TRIM63: variants seen among roughly 807,000 people sequenced by gnomAD.
The protein encoded by TRIM63 is E3 ubiquitin-protein ligase TRIM63.
In TRIM63, 48 loss-of-function variants were observed where a neutral mutation model predicts 46.0. That is an observed-to-expected ratio of 1.04 (90% CI 0.83 to 1.33). TRIM63 has a LOEUF of 1.33. Ranked by LOEUF, TRIM63 falls within the 40% of genes most tolerant of loss-of-function variation. The pLI, the probability that TRIM63 is intolerant of heterozygous loss-of-function variation, is 0.00. For synonymous variants in TRIM63, 175 were observed against 162.8 expected (o/e 1.08, Z -0.57); for missense variants, 455 against 441.2 (o/e 1.03, Z -0.28).
chr1:26,065,180 C>T (rs372294039), intron 2 of TRIM63, among the ~76,000 whole-genome samples: 10 of 152,194 alleles, frequency 6.6e-5, no homozygotes, highest in African/African-American at 1.9e-4. Context: ...CGCGCCACCA[C>T]GCCTGGCTAA....
intron 8 of TRIM63, among the ~76,000 whole-genome samples, chr1:26,052,416 G>A (rs778845769): frequency 5.3e-5 from 8 of 152,192 alleles, no homozygotes; most frequent in Non-Finnish European, 1.0e-4. Flanking sequence ...CGGGACTGGT[G>A]GTGGTGGGGC....
Position 26,058,525 on chromosome 1 carries a change from C to A in TRIM63, c.696G>T (p.Thr232=), listed in dbSNP as rs371665512. Residue 232 remains threonine, a synonymous_variant, in exon 5 of 9, where the codon ACG becomes ACT. Transcript: ENST00000374272. ...AGCTAAGCTTTTTCTCCTGCTCCTG[C>A]GTGATCCGCTGCAGCAACTCACTTT... ...EKKSELLQRI[T]QEQEKKLSFI... The A allele has an allele frequency of 6.2e-7, 1 of 1,614,082 alleles. No homozygotes were observed. The highest frequency in any genetic ancestry group is 8.5e-7 in the Non-Finnish European group (1 of 1,180,042).
intron 2 of TRIM63, among the ~76,000 whole-genome samples, chr1:26,062,424 C>A (rs1452967207): frequency 6.6e-6 from 1 of 152,200 alleles, no homozygotes; most frequent in Non-Finnish European, 1.5e-5. Context: ...CATACCCTCT[C>A]TCTTTCTCTT....
intron 2 of TRIM63, among the ~76,000 whole-genome samples, chr1:26,063,036 C>A (rs565142846): frequency 6.6e-6 from 1 of 151,386 alleles, no homozygotes; most frequent in Non-Finnish European, 1.5e-5. Flanking sequence ...GGATTACAGG[C>A]GTGATCCACA....
chr1:26,057,141 G>A, intron 7 of TRIM63, 62 bp downstream of exon 7: 1 of 1,599,040 alleles, frequency 6.3e-7, no homozygotes, highest in Non-Finnish European at 8.5e-7. Flanking sequence ...CTCAGTTGGA[G>A]GGATGCTGGT....
In TRIM63 at chr1:26,067,564, G is replaced by A. The variant is rs2050690082; in HGVS notation, c.-70C>T. On this transcript the variant is annotated 5_prime_UTR_variant, in exon 1 of 9. Coordinates refer to ENST00000374272, the MANE Select transcript of TRIM63 (RefSeq NM_032588.4). The stretch of plus-strand genomic sequence containing the variant: ...AACTTTGCTCTAAGTAGACCTGGGG[G>A]TCTTGCCTTTGTCACAAAACACCGG... The A allele has an allele frequency of 6.5e-7, 1 of 1,549,990 alleles. No homozygotes were observed.
At chr1:26,062,662 A>C (rs141132281) in intron 2 of TRIM63, among the ~76,000 whole-genome samples, 80 of 152,268 alleles carry the variant, frequency 5.3e-4, no homozygotes, top group African/African-American at 1.9e-3. Flanking sequence ...CCTAACACAT[A>C]TGCTTAGAAC....
In TRIM63 at chr1:26,053,980, A is replaced by G. The variant is rs201180188; in HGVS notation, c.980-16T>C. On this transcript the variant is annotated splice_polypyrimidine_tract_variant and intron_variant, in intron 7 of 8. Coordinates refer to ENST00000374272, the MANE Select transcript of TRIM63 (RefSeq NM_032588.4). ...TCTTCCTCATCTGTGACAAAAAAAC[A>G]TTTGTGTTAGGATGGGGCCGGTTCC... 17 of 1,570,754 alleles carry G rather than the reference A, an allele frequency of 1.1e-5. No homozygotes were observed. The Admixed American group carries it at 3.1e-4, about 28-fold the overall frequency.
intron 8 of TRIM63, among the ~76,000 whole-genome samples, chr1:26,053,355 C>T (rs926654250): frequency 6.6e-5 from 10 of 152,194 alleles, no homozygotes; most frequent in Admixed American, 2.6e-4. Context: ...CAGGTTCAAG[C>T]GATTCTCCTG....
intron 3 of TRIM63, among the ~76,000 whole-genome samples, chr1:26,060,849 TGA>T (rs1426105398): frequency 6.6e-6 from 1 of 151,908 alleles, no homozygotes; most frequent in Admixed American, 6.6e-5. Flanking sequence ...GGAGAAGAGG[TGA>T]GAGGCACAGG....
intron 8 of TRIM63, among the ~76,000 whole-genome samples, chr1:26,053,609 C>A (rs540911304): frequency 7.2e-5 from 11 of 152,348 alleles, no homozygotes; most frequent in African/African-American, 2.6e-4. Context: ...CAGCCTAGCT[C>A]ATGAGCCCCT....
At chr1:26,066,664 T>C (rs970808850) in intron 1 of TRIM63, among the ~76,000 whole-genome samples, 3 of 152,206 alleles carry the variant, frequency 2.0e-5, no homozygotes, top group African/African-American at 7.2e-5. Flanking sequence ...GTTCAAGTCA[T>C]GTTTATTCTC....
Position 26,061,316 on chromosome 1 carries a change from G to A in TRIM63, c.351C>T (p.Gly117=), listed in dbSNP as rs2050624122. ...QECSSRPLQK[G]SHPMCKEHED... The stretch of plus-strand genomic sequence containing the variant: ...CGTGCTCCTTGCACATGGGGTGACT[G>A]CCCTTCTGCAGCGGCCGACTGCAGT... The change falls in exon 3 of 9, where the codon GGC becomes GGT. Residue 117 remains glycine, a synonymous_variant. Transcript: ENST00000374272. The A allele has an allele frequency of 1.9e-6, 3 of 1,614,044 alleles. No homozygotes were observed. Among genetic ancestry groups the A allele is most frequent in the Non-Finnish European group, 2.5e-6 (3 of 1,179,994 alleles).
chr1:26,052,460 T>C (rs1003342200), intron 8 of TRIM63, among the ~76,000 whole-genome samples: 1 of 152,108 alleles, frequency 6.6e-6, no homozygotes, highest in Non-Finnish European at 1.5e-5. Context: ...CCCATTTTTC[T>C]TTTCTTTTCT....
At chr1:26,063,512 C>T (rs1195687905) in intron 2 of TRIM63, among the ~76,000 whole-genome samples, 1 of 152,206 alleles carries the variant, frequency 6.6e-6, no homozygotes, top group African/African-American at 2.4e-5. Flanking sequence ...TCTGCCATTG[C>T]CACCTGCCTC....
intron 4 of TRIM63, 31 bp from the exon 5 acceptor site, chr1:26,058,654 G>C: frequency 6.3e-7 from 1 of 1,596,482 alleles, no homozygotes; most frequent in Non-Finnish European, 8.6e-7. Flanking sequence ...GTCACGTTCT[G>C]TAGGGTCTTT....
rs184760712 is a variant in TRIM63, at chr1:26,053,790, G to A, written c.1051+103C>T. ...GCACGTGCTGGGGACAGTTCTGAGC[G>A]TCATTGCCAATGTCTAACACAGTGC... On this transcript the variant is annotated intron_variant, in intron 8 of 8. Coordinates refer to ENST00000374272, the MANE Select transcript of TRIM63 (RefSeq NM_032588.4). 1,219 of 870,784 alleles carry A rather than the reference G, an allele frequency of 1.4e-3. 16 individuals are homozygous for A. Among genetic ancestry groups the A allele is most frequent in the South Asian group, 0.014 (881 of 64,672 alleles). The allele number at this position is 870,784 out of a possible 1,614,324, so 53.9% of individuals were successfully genotyped here.
chr1:26,052,473 G>T (rs2050531174), intron 8 of TRIM63, among the ~76,000 whole-genome samples: 1 of 151,226 alleles, frequency 6.6e-6, no homozygotes, highest in Admixed American at 6.6e-5. Context: ...TCTTTTCTTT[G>T]TTTTTTTTTG....
intron 8 of TRIM63, among the ~76,000 whole-genome samples, chr1:26,052,550 C>T (rs1413535422): frequency 2.6e-5 from 4 of 152,066 alleles, no homozygotes; most frequent in Non-Finnish European, 4.4e-5. Flanking sequence ...CTGCAAGCTC[C>T]GCCCCCCTGG....
Sources: gnomAD v4.1 joint callset for allele counts (sites outside exome capture counted in the v4.1 genomes callset) on GRCh38, gnomAD v4.1.1 for gene constraint, MANE v1.5 for transcripts, NCBI Gene and HGNC (gene_info 2026-07-23, HGNC 2026-07-21) for gene names.